SCML4: variants seen among roughly 807,000 people sequenced by gnomAD.
SCML4 encodes the protein Scm polycomb group protein like 4, also known as sex comb on midleg-like protein 4.
SCML4 carries 34 observed loss-of-function variants against 41.1 expected under a neutral mutation model. The ratio of observed to expected loss-of-function variants is 0.83; its 90% confidence interval spans 0.63 to 1.10. SCML4 has a LOEUF of 1.10. Ranked by LOEUF, SCML4 falls within the 50% of genes least tolerant of loss-of-function variation. SCML4 has a pLI of 0.00. For missense variants in SCML4, 522 were observed against 534.1 expected, an observed-to-expected ratio of 0.98 and a Z score of 0.22; for synonymous variants, 214 against 220.9, an observed-to-expected ratio of 0.97 and a Z score of 0.28.
intron 1 of SCML4, among the ~76,000 whole-genome samples, chr6:107,778,248 T>C (rs866118080): frequency 1.2e-5 from 1 of 86,536 alleles, no homozygotes; most frequent in African/African-American, 5.1e-5. Flanking sequence ...TATATATATA[T>C]ATATATATAT....
chr6:107,831,056 A>G, the SCML4 span, among the ~76,000 whole-genome samples: 2 of 152,272 alleles, frequency 1.3e-5, no homozygotes, highest in East Asian at 3.9e-4. Context: ...AGAATAACAG[A>G]CTTCAAATAA....
At chr6:107,839,339 GAAAA>G in the SCML4 span, among the ~76,000 whole-genome samples, 23,031 of 130,092 alleles carry the variant, frequency 0.18, 2,668 homozygotes, top group Middle Eastern at 0.25. Flanking sequence ...AAGAGAGAGA[GAAAA>G]AGAAAGAAAG....
intron 1 of SCML4, among the ~76,000 whole-genome samples, chr6:107,806,186 T>TCCCC (rs35905486): frequency 2.1e-3 from 62 of 28,964 alleles, no homozygotes; most frequent in African/African-American, 2.7e-3. Context: ...AACAGAGATT[T>TCCCC]CCCCCCCCCC....
chr6:107,802,580 G>GAGGAAGGAAGGAAGGAAGGA (rs1163058698), intron 1 of SCML4, among the ~76,000 whole-genome samples: 3 of 36,410 alleles, frequency 8.2e-5, no homozygotes, highest in Admixed American at 3.7e-4. Context: ...GGGAGGGAGG[G>GAGGAAGGAAGGAAGGAAGGA]AGGAAGGAAG....
chr6:107,772,472 T>C (rs192612608), intron 1 of SCML4, 86 bp from the exon 2 acceptor site: 9 of 737,200 alleles, frequency 1.2e-5, no homozygotes, highest in Middle Eastern at 3.9e-4. Context: ...TCTGGTGATT[T>C]TGGCGATACC....
At chr6:107,739,627 A>G (rs1418499624) in intron 5 of SCML4, among the ~76,000 whole-genome samples, 1 of 152,150 alleles carries the variant, frequency 6.6e-6, no homozygotes, top group East Asian at 1.9e-4. Flanking sequence ...ATGTGGTCCT[A>G]TGGATGTATG....
At chr6:107,820,892 C>T (rs535739243) in intron 1 of SCML4, among the ~76,000 whole-genome samples, 57 of 152,292 alleles carry the variant, frequency 3.7e-4, no homozygotes, top group Non-Finnish European at 5.4e-4. Flanking sequence ...TATTCAAATG[C>T]GATTCAAACA....
chr6:107,750,493 T>C (rs1193673765), intron 2 of SCML4, among the ~76,000 whole-genome samples: 2 of 152,234 alleles, frequency 1.3e-5, no homozygotes, highest in African/African-American at 2.4e-5. Flanking sequence ...TTACTCTTTA[T>C]ATCAAGACTA....
intron 7 of SCML4, among the ~76,000 whole-genome samples, chr6:107,707,372 C>CT (rs1372638505): frequency 1.2e-5 from 1 of 80,554 alleles, no homozygotes; most frequent in African/African-American, 4.1e-5. Flanking sequence ...TGATTCTTAT[C>CT]TTTAAAAAAA....
chr6:107,756,791 A>G (rs1779151795), intron 2 of SCML4, among the ~76,000 whole-genome samples: 1 of 152,200 alleles, frequency 6.6e-6, no homozygotes, highest in South Asian at 2.1e-4. Flanking sequence ...TCAAAATATT[A>G]AAAACAGGAT....
chr6:107,730,094 C>G (rs1776390223), intron 5 of SCML4, among the ~76,000 whole-genome samples: 1 of 152,220 alleles, frequency 6.6e-6, no homozygotes, highest in Admixed American at 6.5e-5. Flanking sequence ...GTATGCAGAA[C>G]TACTAGGAGC....
At chr6:107,762,657 G>A (rs1234736972) in intron 2 of SCML4, among the ~76,000 whole-genome samples, 1 of 152,208 alleles carries the variant, frequency 6.6e-6, no homozygotes, top group East Asian at 1.9e-4. Context: ...GGGAAGACAT[G>A]GGGAGTAAGC....
intron 6 of SCML4, among the ~76,000 whole-genome samples, chr6:107,716,505 A>G (rs1278045768): frequency 6.6e-6 from 1 of 152,204 alleles, no homozygotes; most frequent in Non-Finnish European, 1.5e-5. Context: ...GTAGGTGTTC[A>G]ATAAATAACA....
chr6:107,715,163 C>T (rs1450660813), intron 6 of SCML4, among the ~76,000 whole-genome samples: 4 of 139,318 alleles, frequency 2.9e-5, no homozygotes, highest in African/African-American at 1.1e-4. Flanking sequence ...TTAGTAGGGA[C>T]GGGGTTTCAC....
intron 2 of SCML4, 76 bp from the exon 3 acceptor site, chr6:107,749,889 GC>G: frequency 6.7e-7 from 1 of 1,490,006 alleles, no homozygotes; most frequent in South Asian, 1.2e-5. Context: ...GTCCTAGACG[GC>G]AGTTAACCAT....
Position 107,702,405 on chromosome 6 carries a change from G to C in SCML4, c.*2795C>G, listed in dbSNP as rs976296054. ...GTTTGGGGCTGATTTTTATTTGAGA[G>C]CACCAATGTTTGTGACTCTGTAGTG... On this transcript the variant is annotated 3_prime_UTR_variant, in exon 8 of 8. Coordinates refer to ENST00000369020, the MANE Select transcript of SCML4 (RefSeq NM_198081.5). Among the ~76,000 whole-genome samples the C allele has an allele frequency of 1.3e-5, 2 of 152,198 alleles. No individual in the cohort carries two copies. The highest frequency in any genetic ancestry group is 4.8e-5 in the African/African-American group (2 of 41,442).
the SCML4 span, among the ~76,000 whole-genome samples, chr6:107,841,627 A>G: frequency 1.3e-5 from 2 of 152,366 alleles, no homozygotes; most frequent in South Asian, 2.1e-4. Flanking sequence ...GATTGACTGT[A>G]TGAACTATAT....
chr6:107,793,605 A>T (rs1426571730), intron 1 of SCML4, among the ~76,000 whole-genome samples: 1 of 152,190 alleles, frequency 6.6e-6, no homozygotes, highest in African/African-American at 2.4e-5. Context: ...CCTGAGGCAG[A>T]TCCTAAACTC....
intron 5 of SCML4, among the ~76,000 whole-genome samples, chr6:107,742,556 A>T (rs896281111): frequency 2.0e-5 from 3 of 152,214 alleles, no homozygotes; most frequent in African/African-American, 7.2e-5. Flanking sequence ...ACAAAAAAGA[A>T]GCAAATGACA....
Sources: gnomAD v4.1 joint callset for allele counts (sites outside exome capture counted in the v4.1 genomes callset) on GRCh38, gnomAD v4.1.1 for gene constraint, MANE v1.5 for transcripts, NCBI Gene and HGNC (gene_info 2026-07-23, HGNC 2026-07-21) for gene names.